METTL15: variants seen among roughly 807,000 people sequenced by gnomAD.
The protein encoded by METTL15 is methyltransferase 15, mitochondrial 12S rRNA N4-cytidine.
A neutral mutation model predicts 38.3 loss-of-function variants in METTL15; 34 were observed. That is an observed-to-expected ratio of 0.89 (90% confidence interval 0.68 to 1.18). The LOEUF (loss-of-function observed/expected upper bound fraction) is 1.18. Among genes scored for constraint, METTL15 ranks in the 50% most tolerant of loss-of-function variants. The pLI is 0.00. For synonymous variants in METTL15, 162 were observed against 170.9 expected (o/e 0.95, Z 0.41); for missense variants, 438 against 498.4 (o/e 0.88, Z 1.15).
At position 28,172,081 on chromosome 11, in the gene METTL15, G is replaced by T. The variant is rs756086497; in HGVS notation, c.271-38981G>T. ...CTTCCGAAGTGTTGGGATTACAGGT[G>T]TTAGCCACTTTACCTGGCCATGTTT... On this transcript the variant is annotated intron_variant, in intron 3 of 6. Transcript: ENST00000407364. 3.3e-5 allele frequency among the ~76,000 whole-genome samples: 5 copies of T among 152,228 alleles called. No individual in the cohort carries two copies. The South Asian group carries it at 8.3e-4, about 25-fold the overall frequency.
intron 6 of METTL15, among the ~76,000 whole-genome samples, chr11:28,518,646 T>C (rs1220836661): frequency 1.3e-5 from 2 of 152,202 alleles, no homozygotes; most frequent in African/African-American, 4.8e-5. Context: ...GTAAGGAAAA[T>C]TCAGGGTAAC....
At chr11:28,414,017 A>G (rs1850751184) in intron 5 of METTL15, among the ~76,000 whole-genome samples, 1 of 152,160 alleles carries the variant, frequency 6.6e-6, no homozygotes, top group Non-Finnish European at 1.5e-5. Context: ...TCTAACCAAG[A>G]AAGTGGAAAT....
chr11:28,356,810 A>C (rs1850093749), intron 4 of METTL15, among the ~76,000 whole-genome samples: 1 of 152,162 alleles, frequency 6.6e-6, no homozygotes, highest in Non-Finnish European at 1.5e-5. Context: ...TGGAGCTAAA[A>C]CATCTTCAAG....
Position 28,256,115 on chromosome 11 carries a change from A to G in METTL15, c.408-34091A>G, listed in dbSNP as rs527458292. Among the ~76,000 whole-genome samples the G allele has an allele frequency of 1.4e-4, 21 of 152,208 alleles. No individual in the cohort carries two copies. In the South Asian group the frequency reaches 4.4e-3, roughly 32 times the overall value. ...AATTCAGTTTGCTAGTGTTTTATTG[A>G]GGGTTTTTGCATTAATATTTATTGG... On this transcript the variant is annotated intron_variant, in intron 4 of 6. Transcript: ENST00000407364.
intron 3 of METTL15, among the ~76,000 whole-genome samples, chr11:28,190,085 A>T (rs894216275): frequency 3.3e-5 from 5 of 151,120 alleles, no homozygotes; most frequent in African/African-American, 1.2e-4. Flanking sequence ...CTTGATCAAT[A>T]GTTGTTCAAA....
At chr11:28,462,963 G>T (rs1851228465) in intron 6 of METTL15, among the ~76,000 whole-genome samples, 1 of 152,092 alleles carries the variant, frequency 6.6e-6, no homozygotes, top group Non-Finnish European at 1.5e-5. Flanking sequence ...ATGGCCCATT[G>T]TTTGTTGGGG....
chr11:28,409,971 A>G (rs1850710817), intron 5 of METTL15, among the ~76,000 whole-genome samples: 1 of 152,154 alleles, frequency 6.6e-6, no homozygotes, highest in Non-Finnish European at 1.5e-5. Context: ...AGAATCATAA[A>G]GGATTATTAT....
intron 3 of METTL15, among the ~76,000 whole-genome samples, chr11:28,201,481 G>T (rs965249411): frequency 2.6e-5 from 4 of 151,994 alleles, no homozygotes; most frequent in Admixed American, 2.6e-4. Context: ...TATACCTCTG[G>T]TAGAGTTTGA....
chr11:28,160,946 C>T (rs1850434220), intron 3 of METTL15, among the ~76,000 whole-genome samples: 1 of 151,692 alleles, frequency 6.6e-6, no homozygotes, highest in Non-Finnish European at 1.5e-5. Context: ...TTGTAGGCAC[C>T]CTCTTACTGG....
intron 3 of METTL15, among the ~76,000 whole-genome samples, chr11:28,350,410 A>AATTACATCTGGC (rs1470626672): frequency 6.6e-6 from 1 of 152,224 alleles, no homozygotes; most frequent in East Asian, 1.9e-4. Context: ...TTTATTACAA[A>AATTACATCTGGC]ATTACATCTG....
At chr11:28,268,094 G>A (rs1365196553) in intron 4 of METTL15, among the ~76,000 whole-genome samples, 1 of 148,866 alleles carries the variant, frequency 6.7e-6, no homozygotes, top group African/African-American at 2.4e-5. Flanking sequence ...CTACTTGGGA[G>A]GCTGAGGCAG....
chr11:28,238,960 AT>A (rs570703669), intron 4 of METTL15, among the ~76,000 whole-genome samples: 7 of 150,564 alleles, frequency 4.6e-5, no homozygotes, highest in South Asian at 2.1e-4. Flanking sequence ...TTTTATTTGG[AT>A]TTTTTTTTTC....
chr11:28,299,930 G>T (rs1241600525), intron 6 of METTL15, among the ~76,000 whole-genome samples: 1 of 151,916 alleles, frequency 6.6e-6, no homozygotes, highest in African/African-American at 2.4e-5. Context: ...TAGTCACTTG[G>T]CATTCTCCCT....
chr11:28,175,350 T>A (rs1038833013), intron 3 of METTL15, among the ~76,000 whole-genome samples: 2 of 152,158 alleles, frequency 1.3e-5, no homozygotes, highest in African/African-American at 4.8e-5. Flanking sequence ...TCTATCATTG[T>A]TGGACATTTG....
At chr11:28,386,464 A>G (rs1026716994) in intron 5 of METTL15, among the ~76,000 whole-genome samples, 1 of 151,982 alleles carries the variant, frequency 6.6e-6, no homozygotes, top group African/African-American at 2.4e-5. Context: ...TAAGTTAAAA[A>G]TTGTTGCATG....
chr11:28,218,683 T>C (rs1853028651), intron 4 of METTL15, among the ~76,000 whole-genome samples: 1 of 152,204 alleles, frequency 6.6e-6, no homozygotes, highest in Non-Finnish European at 1.5e-5. Flanking sequence ...CAGTATGATA[T>C]TGGCTGTGGG....
intron 6 of METTL15, among the ~76,000 whole-genome samples, chr11:28,503,403 G>A (rs556183321): frequency 3.3e-5 from 5 of 152,284 alleles, no homozygotes; most frequent in African/African-American, 4.8e-5. Flanking sequence ...CTCAGAAACC[G>A]TATAAGATAG....
intron 6 of METTL15, among the ~76,000 whole-genome samples, chr11:28,488,335 G>GT (rs879364607): frequency 3.3e-5 from 5 of 151,672 alleles, no homozygotes; most frequent in East Asian, 3.9e-4. Context: ...TCCTGTTGCT[G>GT]TTTTTTTTCT....
intron 6 of METTL15, among the ~76,000 whole-genome samples, chr11:28,509,917 A>AT (rs149330971): frequency 0.039 from 5,858 of 149,486 alleles, 360 homozygotes; most frequent in African/African-American, 0.13. Flanking sequence ...GCCAGGTATC[A>AT]TTTTTTTTTT....
Sources: allele counts gnomAD v4.1 joint callset (sites outside exome capture counted in the v4.1 genomes callset), GRCh38; gene constraint gnomAD v4.1.1; transcripts MANE v1.5; gene names NCBI Gene and HGNC (gene_info 2026-07-23, HGNC 2026-07-21).